Variants in RARB observed in about 807,000 individuals in gnomAD.
RARB encodes HBV-activated protein.
In RARB, 17 loss-of-function variants were observed where a neutral mutation model predicts 51.9. The observed-to-expected ratio is 0.33, with a 90% CI of 0.22 to 0.49. The LOEUF (loss-of-function observed/expected upper bound fraction) is 0.49. Ranked by LOEUF, RARB falls within the 20% of genes least tolerant of loss-of-function variation. The pLI is 0.99. For synonymous variants in RARB, 215 were observed against 195.4 expected (o/e 1.10, Z -0.84); for missense variants, 369 against 550.8 (o/e 0.67, Z 3.30).
chr3:25,032,801 T>G (rs1697902565), intron 2 of RARB, among the ~76,000 whole-genome samples: 1 of 152,184 alleles, frequency 6.6e-6, no homozygotes, highest in Non-Finnish European at 1.5e-5. Flanking sequence ...TTCTAAGAAT[T>G]TATTCTGCAA....
At chr3:25,558,081 C>T (rs1014118967) in intron 3 of RARB, among the ~76,000 whole-genome samples, 1 of 152,146 alleles carries the variant, frequency 6.6e-6, no homozygotes, top group African/African-American at 2.4e-5. Context: ...TTGGATTCTC[C>T]GGGAAGTTCA....
chr3:24,950,713 G>GAA (rs71622789), intron 2 of RARB, among the ~76,000 whole-genome samples: 8 of 94,074 alleles, frequency 8.5e-5, no homozygotes, highest in African/African-American at 2.0e-4. Context: ...GCAGGAAAAG[G>GAA]AAAAAAAAAA....
intron 2 of RARB, among the ~76,000 whole-genome samples, chr3:25,012,213 T>C (rs542943868): frequency 6.6e-6 from 1 of 152,204 alleles, no homozygotes; most frequent in South Asian, 2.1e-4. Context: ...TTGATGCATA[T>C]GTTAAATGTT....
chr3:24,968,668 A>G (rs1197174885), intron 2 of RARB, among the ~76,000 whole-genome samples: 2 of 152,104 alleles, frequency 1.3e-5, no homozygotes, highest in Non-Finnish European at 2.9e-5. Flanking sequence ...CCATAGCCTA[A>G]CCCAGACTTG....
intron 5 of RARB, among the ~76,000 whole-genome samples, chr3:25,323,807 A>G (rs1408521842): frequency 6.6e-6 from 1 of 152,198 alleles, no homozygotes; most frequent in Non-Finnish European, 1.5e-5. Context: ...TAGAAATTAA[A>G]CTAAATTTAT....
chr3:25,582,902 G>C (rs1701236591), intron 5 of RARB, among the ~76,000 whole-genome samples: 2 of 152,286 alleles, frequency 1.3e-5, no homozygotes, highest in African/African-American at 4.8e-5. Context: ...ACTTAAATGG[G>C]ATTAAATACA....
intron 5 of RARB, among the ~76,000 whole-genome samples, chr3:25,221,326 G>T (rs1701943691): frequency 6.6e-6 from 1 of 151,408 alleles, no homozygotes; most frequent in South Asian, 2.1e-4. Flanking sequence ...TGCTAAGTTA[G>T]TTCATAACTG....
chr3:25,399,369 A>G (rs974648289), intron 5 of RARB, among the ~76,000 whole-genome samples: 2 of 152,188 alleles, frequency 1.3e-5, no homozygotes, highest in African/African-American at 2.4e-5. Flanking sequence ...TGCATCAAGG[A>G]GTAGCCATGT....
chr3:25,187,092 A>T (rs575135868), intron 5 of RARB, among the ~76,000 whole-genome samples: 1 of 152,070 alleles, frequency 6.6e-6, no homozygotes, highest in Admixed American at 6.6e-5. Flanking sequence ...AGAGATAGGG[A>T]TGTGCCTTTC....
chr3:25,447,141 T>A (rs1048536590), intron 1 of RARB, among the ~76,000 whole-genome samples: 7 of 152,252 alleles, frequency 4.6e-5, no homozygotes, highest in African/African-American at 7.2e-5. Context: ...AGTGTGCTGT[T>A]GGCAGATTCT....
intron 5 of RARB, among the ~76,000 whole-genome samples, chr3:25,249,152 C>G (rs1370817321): frequency 6.6e-6 from 1 of 151,916 alleles, no homozygotes; most frequent in East Asian, 1.9e-4. Context: ...AAATTTTTAT[C>G]TGGTTTATTT....
intron 5 of RARB, among the ~76,000 whole-genome samples, chr3:25,182,836 G>A (rs1178261028): frequency 6.6e-6 from 1 of 152,174 alleles, no homozygotes; most frequent in Non-Finnish European, 1.5e-5. Flanking sequence ...GAGGTTATTA[G>A]GGTGAGCCCT....
At chr3:25,212,305 C>T (rs535801111) in intron 5 of RARB, among the ~76,000 whole-genome samples, 25 of 152,268 alleles carry the variant, frequency 1.6e-4, no homozygotes, top group South Asian at 4.1e-4. Context: ...TTTCTATTTA[C>T]GTGACCTATG....
intron 3 of RARB, among the ~76,000 whole-genome samples, chr3:25,072,308 A>G (rs184496848): frequency 1.3e-5 from 2 of 152,326 alleles, no homozygotes; most frequent in East Asian, 3.9e-4. Context: ...CACGTTCTGG[A>G]GAGCCAGTCA....
chr3:24,877,646 G>A (rs995984591), intron 2 of RARB, among the ~76,000 whole-genome samples: 1 of 152,072 alleles, frequency 6.6e-6, no homozygotes, highest in African/African-American at 2.4e-5. Flanking sequence ...ATGCTGAAGA[G>A]GGAGACCTCC....
chr3:25,452,051 C>T (rs1044684864), intron 1 of RARB, among the ~76,000 whole-genome samples: 3 of 152,148 alleles, frequency 2.0e-5, no homozygotes, highest in African/African-American at 7.2e-5. Flanking sequence ...CTCCCGAGAC[C>T]TGTTCTAGCA....
intron 2 of RARB, among the ~76,000 whole-genome samples, chr3:25,043,519 G>A (rs1453308134): frequency 2.0e-5 from 3 of 152,132 alleles, no homozygotes; most frequent in African/African-American, 4.8e-5. Flanking sequence ...ATTTTAAGAA[G>A]GAAAAATTTG....
intron 3 of RARB, among the ~76,000 whole-genome samples, chr3:25,559,664 G>C (rs559487224): frequency 5.3e-5 from 8 of 152,306 alleles, no homozygotes; most frequent in African/African-American, 1.7e-4. Flanking sequence ...GGTTGGATGG[G>C]TGGATGGTTA....
intron 2 of RARB, among the ~76,000 whole-genome samples, chr3:25,487,346 C>T (rs553608569): frequency 3.9e-5 from 6 of 152,320 alleles, no homozygotes; most frequent in Admixed American, 2.6e-4. Flanking sequence ...CCACTCTCTG[C>T]TTTCAACAAA....
Sources: allele counts gnomAD v4.1 joint callset (sites outside exome capture counted in the v4.1 genomes callset), GRCh38; gene constraint gnomAD v4.1.1; transcripts MANE v1.5; gene names NCBI Gene and HGNC (gene_info 2026-07-23, HGNC 2026-07-21).